Variants in COL25A1 observed in about 807,000 individuals in gnomAD.
COL25A1 encodes the protein collagen alpha-1(XXV) chain.
A neutral mutation model predicts 128.4 loss-of-function variants in COL25A1; 103 were observed. The ratio of observed to expected loss-of-function variants is 0.80; its 90% CI spans 0.68 to 0.94. The LOEUF (loss-of-function observed/expected upper bound fraction) is 0.94, where lower values mean the gene tolerates loss of function less well. COL25A1 is among the 40% of genes least tolerant of loss of function. COL25A1 has a pLI of 0.00. For synonymous variants in COL25A1, 279 were observed against 277.2 expected, an observed-to-expected ratio of 1.01 and a Z score of -0.06; for missense variants, 745 against 840.0, an observed-to-expected ratio of 0.89 and a Z score of 1.40.
chr4:109,057,420 A>AATTT (rs2125956619), intron 3 of COL25A1, among the ~76,000 whole-genome samples: 1 of 38,386 alleles, frequency 2.6e-5, no homozygotes, highest in South Asian at 1.6e-3. Flanking sequence ...ATGCCTAGCT[A>AATTT]ATTTTTTTTT....
rs1201792921 is a variant in COL25A1, at chr4:108,811,508, C to T, written c.*2419G>A. ...GCTGTGCAAGTTTTAAATAGTGATC[C>T]ATTTCAATCCACCTCTTTCTACTAG... On this transcript the variant is annotated 3_prime_UTR_variant, in exon 38 of 38. Transcript: ENST00000399132. The T allele has an allele frequency of 1.3e-5, 2 of 151,930 alleles. No homozygotes were observed. The highest frequency in any genetic ancestry group is 1.3e-4 in the Admixed American group (2 of 15,256). 9.4% of individuals were successfully genotyped at this position (151,930 alleles called of 1,614,324 possible).
chr4:108,947,235 A>G (rs1748871988), intron 8 of COL25A1, among the ~76,000 whole-genome samples: 1 of 152,044 alleles, frequency 6.6e-6, no homozygotes, highest in Admixed American at 6.6e-5. Flanking sequence ...CAAGGTCAGG[A>G]GTTCGAGACC....
At chr4:108,965,826 T>C (rs191028833) in intron 8 of COL25A1, among the ~76,000 whole-genome samples, 110 of 152,300 alleles carry the variant, frequency 7.2e-4, no homozygotes, top group Non-Finnish European at 1.2e-3. Flanking sequence ...AGTTCATTTT[T>C]TTGCAAAGAG....
intron 3 of COL25A1, among the ~76,000 whole-genome samples, chr4:109,123,910 C>T (rs2126058231): frequency 6.6e-6 from 1 of 152,048 alleles, no homozygotes; most frequent in Non-Finnish European, 1.5e-5. Flanking sequence ...TGGAAACAAA[C>T]AAGGTAAGTT....
chr4:109,084,588 T>C (rs914890147), intron 3 of COL25A1, among the ~76,000 whole-genome samples: 2 of 152,220 alleles, frequency 1.3e-5, no homozygotes, highest in Admixed American at 6.5e-5. Context: ...ACTTTTTATA[T>C]TACATTGAAT....
chr4:109,225,383 G>A (rs1778734284), intron 3 of COL25A1, among the ~76,000 whole-genome samples: 1 of 152,110 alleles, frequency 6.6e-6, no homozygotes, highest in Non-Finnish European at 1.5e-5. Context: ...TCAGAGAAAT[G>A]CAAATTAAAA....
At chr4:109,090,004 G>A (rs1012735508) in intron 3 of COL25A1, among the ~76,000 whole-genome samples, 1 of 151,688 alleles carries the variant, frequency 6.6e-6, no homozygotes, top group African/African-American at 2.4e-5. Flanking sequence ...CATGAAGTTT[G>A]AGTTTACCAA....
chr4:109,063,599 T>C (rs757670529), intron 3 of COL25A1, among the ~76,000 whole-genome samples: 11 of 151,814 alleles, frequency 7.2e-5, no homozygotes, highest in Non-Finnish European at 1.6e-4. Context: ...CCCAGCACCT[T>C]GGGAAGCAGA....
intron 20 of COL25A1, among the ~76,000 whole-genome samples, chr4:108,866,311 G>T (rs930996517): frequency 2.0e-5 from 3 of 151,090 alleles, no homozygotes; most frequent in Non-Finnish European, 2.9e-5. Context: ...TTCCACCTCA[G>T]CCTCCTAAGT....
chr4:109,215,140 G>A (rs1777885561), intron 3 of COL25A1, among the ~76,000 whole-genome samples: 1 of 152,064 alleles, frequency 6.6e-6, no homozygotes, highest in Non-Finnish European at 1.5e-5. Flanking sequence ...AACAATAGCT[G>A]GCAGATACAC....
intron 18 of COL25A1, among the ~76,000 whole-genome samples, chr4:108,885,313 G>C (rs1210044886): frequency 1.3e-5 from 2 of 152,104 alleles, no homozygotes; most frequent in Non-Finnish European, 2.9e-5. Flanking sequence ...AGTTTGTTCT[G>C]GTGTTATCAC....
rs558164929 is a variant in COL25A1, at chr4:109,117,472, G to T, written c.368-67293C>A. On this transcript the variant is annotated intron_variant, in intron 3 of 37. Transcript: ENST00000399132. ...TCTCAAACAAAAATTGAGAGAATTT[G>T]CTGCCAGTGGAACCACCTTGCAATA... is the stretch of plus-strand genomic sequence containing the variant. Among the ~76,000 whole-genome samples, 19 of 152,056 alleles carry T rather than the reference G, an allele frequency of 1.2e-4. 1 individual carries two copies. In the South Asian group the frequency reaches 3.9e-3, roughly 32 times the overall value.
chr4:108,848,663 A>G, intron 27 of COL25A1, 96 bp downstream of exon 27: 1 of 832,878 alleles, frequency 1.2e-6, no homozygotes, highest in Non-Finnish European at 2.0e-6. Context: ...GAGGGTATCA[A>G]ATATCAATGC....
At chr4:109,005,310 C>T (rs1489723437) in intron 6 of COL25A1, among the ~76,000 whole-genome samples, 1 of 152,234 alleles carries the variant, frequency 6.6e-6, no homozygotes, top group East Asian at 1.9e-4. Context: ...TGGTGCTAAA[C>T]CATTCATGAA....
chr4:108,839,610 G>A (rs1186536419), intron 31 of COL25A1, among the ~76,000 whole-genome samples: 1 of 152,120 alleles, frequency 6.6e-6, no homozygotes, highest in Non-Finnish European at 1.5e-5. Flanking sequence ...TTCAAGTCTG[G>A]ACCTAAGTTC....
intron 6 of COL25A1, among the ~76,000 whole-genome samples, chr4:109,008,755 GCACA>G (rs755296346): frequency 4.9e-5 from 2 of 41,066 alleles, no homozygotes; most frequent in Non-Finnish European, 3.5e-5. Context: ...ACATGCGCGC[GCACA>G]CACACACACA....
At position 109,019,375 on chromosome 4, in the gene COL25A1, C is replaced by CATATAT. The variant is rs57842656; in HGVS notation, c.421-9006_421-9001dup. ...ACACACACACACACACACACACACA[C>CATATAT]ATATATATATATATATATATATATT... On this transcript the variant is annotated intron_variant, in intron 5 of 37. Transcript: ENST00000399132. Among the ~76,000 whole-genome samples, 112 of 48,876 alleles carry CATATAT rather than the reference C, an allele frequency of 2.3e-3. 2 individuals carry two copies. The highest frequency in any genetic ancestry group is 2.9e-3 in the Non-Finnish European group (87 of 29,536). The allele number at this position is 48,876 out of a possible 152,430, so 32.1% of individuals were successfully genotyped here.
At chr4:109,019,001 G>T (rs1282968762) in intron 5 of COL25A1, among the ~76,000 whole-genome samples, 1 of 152,132 alleles carries the variant, frequency 6.6e-6, no homozygotes, top group African/African-American at 2.4e-5. Flanking sequence ...CAACTTGATT[G>T]GATTGAGGGA....
At chr4:109,186,720 T>C (rs1306335561) in intron 3 of COL25A1, among the ~76,000 whole-genome samples, 2 of 152,190 alleles carry the variant, frequency 1.3e-5, no homozygotes, top group African/African-American at 4.8e-5. Flanking sequence ...TGGGGATAAT[T>C]CTGAGTCCCT....
Sources: allele counts gnomAD v4.1 joint callset (sites outside exome capture counted in the v4.1 genomes callset), GRCh38; gene constraint gnomAD v4.1.1; transcripts MANE v1.5; gene names NCBI Gene and HGNC (gene_info 2026-07-23, HGNC 2026-07-21).